Variants in EPRS1 observed in about 807,000 individuals in gnomAD.
EPRS1 encodes the protein glutamyl-prolyl-tRNA synthetase 1.
Under a neutral mutation model 188.3 loss-of-function variants are expected in EPRS1, and 107 were observed. The ratio of observed to expected loss-of-function variants is 0.57; its 90% CI spans 0.49 to 0.67. The LOEUF is 0.67. EPRS1 is among the 30% of genes least tolerant of loss of function. The probability of loss-of-function intolerance (pLI) is 0.00; values close to 1 mark genes in which losing one functional copy is unlikely to be tolerated. For missense variants in EPRS1, 1,577 were observed against 1,802.2 expected, an observed-to-expected ratio of 0.88 and a Z score of 2.26; for synonymous variants, 596 against 593.1, an observed-to-expected ratio of 1.00 and a Z score of -0.07.
At chr1:219,971,817 TTA>T (rs1389134188) in intron 30 of EPRS1, among the ~76,000 whole-genome samples, 1 of 143,270 alleles carries the variant, frequency 7.0e-6, no homozygotes, top group Non-Finnish European at 1.5e-5. Flanking sequence ...CACACTATAT[TTA>T]TATATGACAT....
At chr1:219,969,020 G>C (rs899567238) in intron 31 of EPRS1, 38 bp downstream of exon 31, 16 of 1,610,846 alleles carry the variant, frequency 9.9e-6, no homozygotes, top group Non-Finnish European at 1.2e-5. Context: ...CCTTTCCATT[G>C]CAATTTTTCA....
At chr1:220,024,909 T>G in intron 7 of EPRS1, 1 of 476,160 alleles carries the variant, frequency 2.1e-6, no homozygotes, top group Non-Finnish European at 3.7e-6. Flanking sequence ...GGAAAACATA[T>G]CATTCAGGTA....
intron 2 of EPRS1, 146 bp from the exon 3 acceptor site, chr1:220,035,159 T>C (rs2102597957): frequency 1.8e-6 from 1 of 545,172 alleles, no homozygotes. Flanking sequence ...GTTAATTGTT[T>C]GTTTGTTTCA....
At chr1:219,987,557 C>T (rs1661029812) in intron 19 of EPRS1, among the ~76,000 whole-genome samples, 153 bp from the exon 20 acceptor site, 1 of 151,788 alleles carries the variant, frequency 6.6e-6, no homozygotes, top group Non-Finnish European at 1.5e-5. Context: ...TTGAGGGAGG[C>T]ATATCTCACA....
At chr1:220,017,186 G>A (rs1022026177) in intron 12 of EPRS1, among the ~76,000 whole-genome samples, 2 of 152,130 alleles carry the variant, frequency 1.3e-5, no homozygotes, top group Admixed American at 6.5e-5. Flanking sequence ...GCACTCCACC[G>A]TGGGCGACAG....
intron 18 of EPRS1, among the ~76,000 whole-genome samples, chr1:219,994,524 G>T (rs1661188998): frequency 6.8e-6 from 1 of 146,568 alleles, no homozygotes; most frequent in Non-Finnish European, 1.5e-5. Flanking sequence ...AAAAAGAAAA[G>T]ACAAAATATT....
At chr1:219,988,872 G>T in intron 18 of EPRS1, 49 bp from the exon 19 acceptor site, 1 of 1,242,276 alleles carries the variant, frequency 8.0e-7, no homozygotes, top group Non-Finnish European at 1.1e-6. Flanking sequence ...GGAAATTTCT[G>T]GAAATTTCAA....
chr1:220,016,051 CAG>C (rs1173283509), intron 12 of EPRS1, among the ~76,000 whole-genome samples: 1 of 152,014 alleles, frequency 6.6e-6, no homozygotes, highest in Non-Finnish European at 1.5e-5. Context: ...CTTGTGGAGA[CAG>C]AAAAGTATGC....
intron 30 of EPRS1, chr1:219,969,337 C>T (rs920790647): frequency 1.8e-6 from 1 of 543,170 alleles, no homozygotes; most frequent in African/African-American, 1.9e-5. Context: ...CCTACGCTCA[C>T]AGCACATCAA....
intron 30 of EPRS1, among the ~76,000 whole-genome samples, chr1:219,970,777 CA>C (rs35656997): frequency 1.6e-3 from 210 of 131,254 alleles, no homozygotes; most frequent in Admixed American, 2.2e-3. Context: ...GACCCTGTAC[CA>C]AAAAAAAAAA....
intron 15 of EPRS1, among the ~76,000 whole-genome samples, chr1:220,005,723 A>G (rs1045232175): frequency 6.6e-6 from 1 of 152,102 alleles, no homozygotes; most frequent in African/African-American, 2.4e-5. Context: ...TTTGAATCCC[A>G]ACTCTACTAT....
chr1:219,971,791 T>TAC, intron 30 of EPRS1, among the ~76,000 whole-genome samples: 1 of 54,880 alleles, frequency 1.8e-5, no homozygotes, highest in East Asian at 6.5e-4. Context: ...AGACTATATA[T>TAC]ATATACATAT....
intron 7 of EPRS1, 78 bp downstream of exon 7, chr1:220,025,054 A>C: frequency 7.2e-7 from 1 of 1,380,604 alleles, no homozygotes; most frequent in Non-Finnish European, 1.0e-6. Flanking sequence ...ATTTATTTTC[A>C]TACCATGAAG....
In EPRS1 at chr1:220,032,629, C is replaced by T. The variant is rs564491988; in HGVS notation, c.389-103G>A. 3.0e-5 allele frequency: 34 copies of T among 1,146,394 alleles called. No individual in the cohort carries two copies. The African/African-American group carries it at 5.0e-4, about 17-fold the overall frequency. 71.0% of individuals were successfully genotyped at this position (1,146,394 alleles called of 1,614,324 possible). ...GTAATTGAGATGGCTTAAAGTTGTG[C>T]TTCTAAAGAAAATGAAATGTTAAAT... On this transcript the variant is annotated intron_variant, in intron 4 of 31. Transcript: ENST00000366923.
At chr1:219,978,964 ATT>A (rs143483062) in intron 27 of EPRS1, among the ~76,000 whole-genome samples, 2,370 of 126,010 alleles carry the variant, frequency 0.019, 22 homozygotes, top group Non-Finnish European at 0.026. Flanking sequence ...ATATATATAT[ATT>A]TTTTTTTCCC....
chr1:219,978,766 G>A (rs770561494), intron 27 of EPRS1, 47 bp from the exon 28 acceptor site: 1 of 1,466,940 alleles, frequency 6.8e-7, no homozygotes, highest in South Asian at 1.3e-5. Context: ...AACAGATATA[G>A]AAGTAATGAG....
intron 17 of EPRS1, among the ~76,000 whole-genome samples, chr1:220,000,059 G>A (rs1182953224): frequency 6.6e-6 from 1 of 152,136 alleles, no homozygotes; most frequent in Non-Finnish European, 1.5e-5. Context: ...GAAACCACAT[G>A]GGATACATAG....
chr1:219,990,480 CTTAT>C (rs1187320422), intron 18 of EPRS1, among the ~76,000 whole-genome samples: 2 of 152,074 alleles, frequency 1.3e-5, no homozygotes, highest in Admixed American at 1.3e-4. Context: ...TACGTGGTAT[CTTAT>C]TTAACTCTCA....
At chr1:220,036,194 C>G (rs1418549617) in intron 2 of EPRS1, among the ~76,000 whole-genome samples, 1 of 152,090 alleles carries the variant, frequency 6.6e-6, no homozygotes, top group Non-Finnish European at 1.5e-5. Context: ...AGCAAGACTC[C>G]ACCTCACAAC....
Sources: gnomAD v4.1 joint callset for allele counts (sites outside exome capture counted in the v4.1 genomes callset) on GRCh38, gnomAD v4.1.1 for gene constraint, MANE v1.5 for transcripts, NCBI Gene and HGNC (gene_info 2026-07-23, HGNC 2026-07-21) for gene names.